Variants in RANBP10 observed in about 807,000 individuals in gnomAD.
The protein encoded by RANBP10 is RAN binding protein 10.
Under a neutral mutation model 72.8 loss-of-function variants are expected in RANBP10, and 24 were observed. The observed-to-expected ratio is 0.33, with a 90% CI of 0.24 to 0.46. The LOEUF is 0.46. Ranked by LOEUF, RANBP10 falls within the 20% of genes least tolerant of loss-of-function variation. The probability of loss-of-function intolerance (pLI) is 1.00; values close to 1 mark genes in which losing one functional copy is unlikely to be tolerated. For synonymous variants in RANBP10, 310 were observed against 322.3 expected (o/e 0.96, Z 0.41); for missense variants, 679 against 817.5 (o/e 0.83, Z 2.07).
At chr16:67,774,860 A>C (rs1443479028) in intron 2 of RANBP10, among the ~76,000 whole-genome samples, 1 of 152,252 alleles carries the variant, frequency 6.6e-6, no homozygotes, top group Non-Finnish European at 1.5e-5. Flanking sequence ...ACTATCATCC[A>C]ACCAATCTGA....
At chr16:67,762,379 T>C (rs774931714) in intron 3 of RANBP10, 2 of 152,236 alleles carry the variant, frequency 1.3e-5, no homozygotes, top group Admixed American at 6.5e-5. Context: ...ATGAGTTAGA[T>C]ACTAGTATCA....
intron 2 of RANBP10, among the ~76,000 whole-genome samples, chr16:67,779,962 G>A (rs776495965): frequency 2.0e-5 from 3 of 152,140 alleles, no homozygotes; most frequent in African/African-American, 4.8e-5. Flanking sequence ...GGCCAGGCAC[G>A]GTGGCTCACG....
intron 5 of RANBP10, among the ~76,000 whole-genome samples, chr16:67,736,180 A>C (rs1305573386): frequency 1.3e-5 from 2 of 149,578 alleles, no homozygotes; most frequent in Non-Finnish European, 3.0e-5. Context: ...TTTTTTTTTG[A>C]GACGGAGTTT....
chr16:67,744,980 C>T (rs377491206), intron 3 of RANBP10, among the ~76,000 whole-genome samples: 8 of 151,992 alleles, frequency 5.3e-5, no homozygotes, highest in African/African-American at 1.9e-4. Flanking sequence ...CCTGCCACAA[C>T]GCCCGGCTAA....
intron 5 of RANBP10, 147 bp from the exon 6 acceptor site, chr16:67,735,189 C>T: frequency 4.2e-6 from 3 of 722,146 alleles, no homozygotes; most frequent in Admixed American, 6.3e-5. Flanking sequence ...CACCTCTGTC[C>T]ACCTCCCTAG....
In RANBP10 at chr16:67,723,315, G is replaced by A. The variant is rs2053557449; in HGVS notation, c.*3113C>T. The stretch of plus-strand genomic sequence containing the variant: ...CTAATGCAGGAAAACCCAATGCAAA[G>A]AGGAAAATGCCTGAGGCAGCCAGAG... On this transcript the variant is annotated 3_prime_UTR_variant, in exon 14 of 14. Coordinates refer to ENST00000317506, the MANE Select transcript of RANBP10 (RefSeq NM_020850.3). 1 of 152,666 alleles carries A rather than the reference G, an allele frequency of 6.6e-6. No individual in the cohort carries two copies. The highest frequency in any genetic ancestry group is 2.4e-5 in the African/African-American group (1 of 41,456). The allele number at this position is 152,666 out of a possible 1,614,324, so 9.5% of individuals were successfully genotyped here.
In RANBP10 at chr16:67,744,354, C is replaced by A. The variant is rs375066517; in HGVS notation, c.502G>T (p.Val168Leu). 40 of 1,614,108 alleles carry A rather than the reference C, an allele frequency of 2.5e-5. No homozygotes were observed. Among genetic ancestry groups the A allele is most frequent in the African/African-American group, 4.0e-5 (3 of 74,940 alleles). The change falls in exon 4 of 14, where the codon GTG becomes TTG. Residue 168 changes from valine (V) to leucine (L), a missense_variant. Physicochemically the swap from Val to Leu is conservative, Grantham distance 32. Transcript: ENST00000317506. ...ATGAGGTTGACACAGCAGCCGATCA[C>A]GTCTCCTGTGGTGAATGTGGGACCA... ...PYGPTFTTGD[V>L]IGCCVNLING...
At chr16:67,789,388 G>A (rs1384461779) in intron 2 of RANBP10, among the ~76,000 whole-genome samples, 1 of 151,744 alleles carries the variant, frequency 6.6e-6, no homozygotes, top group East Asian at 1.9e-4. Context: ...TGTGGCTAGA[G>A]GATTTCTTGA....
At chr16:67,743,635 T>C (rs141257798) in intron 4 of RANBP10, among the ~76,000 whole-genome samples, 622 of 152,216 alleles carry the variant, frequency 4.1e-3, no homozygotes, top group Admixed American at 7.6e-3. Flanking sequence ...TTTCTCACCT[T>C]TCCTTCTTGC....
At chr16:67,767,833 T>C (rs2054533430) in intron 3 of RANBP10, among the ~76,000 whole-genome samples, 1 of 151,854 alleles carries the variant, frequency 6.6e-6, no homozygotes, top group Non-Finnish European at 1.5e-5. Context: ...CCTGACCTTG[T>C]GATCCACCCG....
rs773650425 is a variant in RANBP10, at chr16:67,729,016, G to A, written c.1352+264C>T. On this transcript the variant is annotated intron_variant, in intron 10 of 13. Coordinates refer to ENST00000317506, the MANE Select transcript of RANBP10 (RefSeq NM_020850.3). The surrounding 1 kb of genome is among the most constrained non-coding windows in gnomAD (Gnocchi z 7.1). ...GGACCCTGAGGGTTCTCACAGGCCC[G>A]GCCTCTTTGGAGGAGACCACATCCT... 2.3e-4 allele frequency among the ~76,000 whole-genome samples: 35 copies of A among 152,234 alleles called. No homozygotes were observed. The highest frequency in any genetic ancestry group is 2.9e-4 in the Non-Finnish European group (20 of 68,040).
chr16:67,765,419 G>A (rs1448274474), intron 3 of RANBP10, among the ~76,000 whole-genome samples: 2 of 151,970 alleles, frequency 1.3e-5, no homozygotes, highest in Non-Finnish European at 2.9e-5. Context: ...CCAGCCACTC[G>A]GGAGGCTGAG....
intron 3 of RANBP10, among the ~76,000 whole-genome samples, chr16:67,767,532 T>A (rs1187445284): frequency 2.7e-5 from 4 of 146,846 alleles, no homozygotes; most frequent in Non-Finnish European, 5.9e-5. Flanking sequence ...GAGGCCTAGA[T>A]GAGAGGATTG....
chr16:67,764,574 T>C (rs1052193012), intron 3 of RANBP10, among the ~76,000 whole-genome samples: 1 of 152,234 alleles, frequency 6.6e-6, no homozygotes, highest in African/African-American at 2.4e-5. Context: ...TCTAATAATC[T>C]ACTGTGAAGA....
chr16:67,805,296 G>A, intron 2 of RANBP10, 132 bp downstream of exon 2: 1 of 685,892 alleles, frequency 1.5e-6, no homozygotes, highest in Admixed American at 2.9e-5. Context: ...CCACAGTCAG[G>A]AAATAATGGC....
chr16:67,727,491 T>C, intron 12 of RANBP10, 53 bp from the exon 13 acceptor site: 9 of 1,522,508 alleles, frequency 5.9e-6, no homozygotes, highest in Non-Finnish European at 8.1e-6. Context: ...TAGCTCACCC[T>C]GCTACCCGTG....
At chr16:67,732,966 A>G (rs1240143839) in intron 6 of RANBP10, among the ~76,000 whole-genome samples, 2 of 149,912 alleles carry the variant, frequency 1.3e-5, no homozygotes, top group Non-Finnish European at 3.0e-5. Context: ...AGGCAGGAGA[A>G]TGGCTTGAAC....
intron 3 of RANBP10, among the ~76,000 whole-genome samples, chr16:67,767,023 A>T (rs911888931): frequency 2.0e-5 from 3 of 152,220 alleles, no homozygotes; most frequent in Non-Finnish European, 4.4e-5. Context: ...TCCACTGAAC[A>T]GTTAGGCCCC....
At chr16:67,757,036 C>T (rs1335033069) in intron 3 of RANBP10, among the ~76,000 whole-genome samples, 2 of 152,086 alleles carry the variant, frequency 1.3e-5, no homozygotes, top group Non-Finnish European at 1.5e-5. Flanking sequence ...GAAACCCCGT[C>T]TTAACTAAAA....
Sources: gnomAD v4.1 joint callset for allele counts (sites outside exome capture counted in the v4.1 genomes callset) on GRCh38, gnomAD v4.1.1 for gene constraint, Gnocchi (gnomAD v3.1) non-coding constraint, MANE v1.5 for transcripts, NCBI Gene and HGNC (gene_info 2026-07-23, HGNC 2026-07-21) for gene names.